TESK2: variants seen among roughly 807,000 people sequenced by gnomAD.
The protein encoded by TESK2 is testis associated actin remodelling kinase 2, also known as dual specificity testis-specific protein kinase 2.
Under a neutral mutation model 57.1 loss-of-function variants are expected in TESK2, and 39 were observed. The observed-to-expected ratio is 0.68, with a 90% CI of 0.53 to 0.89. TESK2 has a LOEUF of 0.89. TESK2 is among the 40% of genes least tolerant of loss of function. The probability of loss-of-function intolerance (pLI) is 0.00; values close to 1 mark genes in which losing one functional copy is unlikely to be tolerated. For synonymous variants in TESK2, 249 were observed against 267.9 expected (o/e 0.93, Z 0.69); for missense variants, 646 against 732.1 (o/e 0.88, Z 1.36).
chr1:45,416,793 T>TA (rs1220313248), intron 3 of TESK2, among the ~76,000 whole-genome samples: 1 of 151,304 alleles, frequency 6.6e-6, no homozygotes, highest in Non-Finnish European at 1.5e-5. Flanking sequence ...TCTCCACATT[T>TA]TTTTTTTTTT....
At chr1:45,485,197 GTTT>G (rs111369971) in intron 1 of TESK2, among the ~76,000 whole-genome samples, 1 of 147,918 alleles carries the variant, frequency 6.8e-6, no homozygotes, top group East Asian at 2.0e-4. Flanking sequence ...TTTGTTTTTT[GTTT>G]TTTTTTGAGA....
chr1:45,365,280 C>T (rs1647863273), intron 4 of TESK2, among the ~76,000 whole-genome samples: 1 of 152,062 alleles, frequency 6.6e-6, no homozygotes, highest in African/African-American at 2.4e-5. Flanking sequence ...TTGCCTACCG[C>T]TCCAGGAGGT....
intron 5 of TESK2, among the ~76,000 whole-genome samples, chr1:45,354,518 C>G (rs1310947053): frequency 2.0e-5 from 3 of 151,904 alleles, no homozygotes; most frequent in African/African-American, 7.2e-5. Context: ...CCCAGCTACT[C>G]AGGAGGCTGA....
intron 4 of TESK2, among the ~76,000 whole-genome samples, chr1:45,369,045 A>C (rs899133840): frequency 1.3e-5 from 2 of 152,052 alleles, no homozygotes; most frequent in African/African-American, 4.8e-5. Flanking sequence ...ATGAGCCACC[A>C]GGCTGGCCCA....
At chr1:45,413,099 GCA>G (rs1650099425) in intron 3 of TESK2, among the ~76,000 whole-genome samples, 1 of 152,196 alleles carries the variant, frequency 6.6e-6, no homozygotes, top group Non-Finnish European at 1.5e-5. Flanking sequence ...CAGATCTTGA[GCA>G]TAAGACTTCC....
Position 45,490,999 on chromosome 1 carries a change from CG to C in TESK2, c.-235del, listed in dbSNP as rs1369830334. 1 of 152,336 alleles carries C rather than the reference CG, an allele frequency of 6.6e-6. No individual in the cohort carries two copies. The highest frequency in any genetic ancestry group is 1.5e-5 in the Non-Finnish European group (1 of 68,130). The allele number at this position is 152,336 out of a possible 1,614,324, so 9.4% of individuals were successfully genotyped here. On this transcript the variant is annotated 5_prime_UTR_variant, in exon 1 of 11. It introduces an in-frame stop codon into an upstream open reading frame of the 5' UTR. Coordinates refer to ENST00000372086, the MANE Select transcript of TESK2 (RefSeq NM_007170.3). ...CGGTGGGAGCCCCTAGCGCAGAAGC[CG>C]GCGACTCAGCTAGGCTAGCGGCGGC...
rs1333026267 is a variant in TESK2 at position 45,463,744 on chromosome 1, C to G, written c.-86-5873G>C. ...GGACTACAGGTGCATACAACCACAC[C>G]CAGCTAATTTTTGTACTTTTTTTTT... is the stretch of plus-strand genomic sequence containing the variant. On this transcript the variant is annotated intron_variant, in intron 1 of 10. Transcript: ENST00000372086. Among the ~76,000 whole-genome samples, 3 of 152,014 alleles carry G rather than the reference C, an allele frequency of 2.0e-5. No individual in the cohort carries two copies. In the East Asian group the frequency reaches 5.8e-4, roughly 29 times the overall value.
intron 3 of TESK2, among the ~76,000 whole-genome samples, chr1:45,407,923 C>T (rs1455162990): frequency 6.6e-6 from 1 of 152,172 alleles, no homozygotes; most frequent in African/African-American, 2.4e-5. Flanking sequence ...CCCTGCCAAA[C>T]ATATCAGGAA....
At chr1:45,479,435 T>A (rs867230256) in intron 1 of TESK2, among the ~76,000 whole-genome samples, 26 of 145,922 alleles carry the variant, frequency 1.8e-4, no homozygotes, top group Admixed American at 9.6e-4. Flanking sequence ...AAAAAAAAAA[T>A]TTTTTTTTTT....
intron 2 of TESK2, among the ~76,000 whole-genome samples, chr1:45,425,451 G>A (rs1442664559): frequency 1.3e-5 from 2 of 151,964 alleles, no homozygotes; most frequent in African/African-American, 2.4e-5. Context: ...CCAGGAGTTC[G>A]AGACCAGCCT....
chr1:45,489,135 GAA>G (rs34912233), intron 1 of TESK2, among the ~76,000 whole-genome samples: 1 of 134,262 alleles, frequency 7.4e-6, no homozygotes. Flanking sequence ...TGACACCAAA[GAA>G]AAAAAAAAAA....
intron 4 of TESK2, among the ~76,000 whole-genome samples, chr1:45,384,031 ACT>A (rs1570672611): frequency 6.6e-6 from 1 of 152,326 alleles, no homozygotes; most frequent in East Asian, 1.9e-4. Context: ...GGGACTAGTC[ACT>A]GTTATTTTGT....
intron 2 of TESK2, among the ~76,000 whole-genome samples, chr1:45,441,451 A>G (rs1217643042): frequency 6.6e-6 from 1 of 151,892 alleles, no homozygotes; most frequent in African/African-American, 2.4e-5. Flanking sequence ...TGCTGAGATT[A>G]CAGGCGTGAG....
intron 4 of TESK2, among the ~76,000 whole-genome samples, chr1:45,360,339 CATG>C (rs1647629367): frequency 6.6e-6 from 1 of 152,096 alleles, no homozygotes; most frequent in Non-Finnish European, 1.5e-5. Context: ...ACTTCTTTAG[CATG>C]ATGACAGTGT....
chr1:45,400,357 T>G (rs1649548511), intron 3 of TESK2, among the ~76,000 whole-genome samples: 1 of 152,226 alleles, frequency 6.6e-6, no homozygotes, highest in African/African-American at 2.4e-5. Context: ...TGCTGATACC[T>G]TGATTTTAGC....
At chr1:45,467,376 G>A (rs908190596) in intron 1 of TESK2, among the ~76,000 whole-genome samples, 2 of 150,760 alleles carry the variant, frequency 1.3e-5, no homozygotes, top group Non-Finnish European at 2.9e-5. Context: ...ATGCAGTCTC[G>A]CTCTGTCACC....
At position 45,385,945 on chromosome 1, in the gene TESK2, A is replaced by T; in HGVS notation, c.360T>A (p.Cys120Ter). Residue 120 changes from cysteine (C) to a stop codon, truncating the protein, a stop_gained, in exon 4 of 11, where the codon TGT becomes TGA. Coordinates refer to ENST00000372086, the MANE Select transcript of TESK2 (RefSeq NM_007170.3). LOFTEE classifies it high-confidence loss of function. ...HPNILRFMGV[C>*]VHQGQLHALT... ...GTGCATGCAATTGTCCTTGATGAAC[A>T]CATACACCCATGAACCTAAAGAACA... The T allele has an allele frequency of 6.2e-7, 1 of 1,607,420 alleles. No homozygotes were observed. The highest frequency in any genetic ancestry group is 1.1e-5 in the South Asian group (1 of 90,378).
chr1:45,484,759 C>T (rs992979478), intron 1 of TESK2, among the ~76,000 whole-genome samples: 1 of 143,868 alleles, frequency 7.0e-6, no homozygotes, highest in Non-Finnish European at 1.5e-5. Flanking sequence ...GGGCCGGGCG[C>T]GGTGGCCCAA....
intron 3 of TESK2, chr1:45,413,932 T>C: frequency 2.4e-6 from 1 of 422,196 alleles, no homozygotes; most frequent in Non-Finnish European, 4.7e-6. Context: ...TACTAACAAA[T>C]AGTAACCAAA....
Sources: allele counts gnomAD v4.1 joint callset (sites outside exome capture counted in the v4.1 genomes callset), GRCh38; gene constraint gnomAD v4.1.1; transcripts MANE v1.5; gene names NCBI Gene and HGNC (gene_info 2026-07-23, HGNC 2026-07-21).